Variants in PPFIBP1 observed in about 807,000 individuals in gnomAD.
PPFIBP1 encodes PPFIB scaffold protein 1.
In PPFIBP1, 112 loss-of-function variants were observed where a neutral mutation model predicts 137.8. The observed-to-expected ratio is 0.81, with a 90% CI of 0.70 to 0.95. The LOEUF (loss-of-function observed/expected upper bound fraction) is 0.95, where lower values mean the gene tolerates loss of function less well. Among genes scored for constraint, PPFIBP1 ranks in the 40% least tolerant of loss-of-function variants. PPFIBP1 has a pLI of 0.00. For missense variants in PPFIBP1, 1,083 were observed against 1,196.6 expected (o/e 0.91, Z 1.40); for synonymous variants, 378 against 417.3 (o/e 0.91, Z 1.15).
At chr12:27,679,343 C>T in intron 19 of PPFIBP1, 146 bp from the exon 20 acceptor site, 1 of 743,504 alleles carries the variant, frequency 1.3e-6, no homozygotes, top group South Asian at 2.0e-5. Flanking sequence ...ATGTGTGTTC[C>T]ATTTCTAATA....
At chr12:27,546,038 G>A (rs910250902) in intron 1 of PPFIBP1, among the ~76,000 whole-genome samples, 3 of 152,136 alleles carry the variant, frequency 2.0e-5, no homozygotes, top group East Asian at 1.9e-4. Context: ...GGTGATCTGC[G>A]GCCCTGTCCA....
At chr12:27,634,139 C>CTT (rs375816732) in intron 3 of PPFIBP1, among the ~76,000 whole-genome samples, 3,415 of 111,564 alleles carry the variant, frequency 0.031, 235 homozygotes, top group Admixed American at 0.15. Context: ...CCGGCCATAT[C>CTT]TTTTTTTTTT....
chr12:27,637,527 T>A (rs2346753), intron 4 of PPFIBP1, among the ~76,000 whole-genome samples: 1 of 151,788 alleles, frequency 6.6e-6, no homozygotes, highest in Non-Finnish European at 1.5e-5. Flanking sequence ...AGATAAGGAA[T>A]TTTTGTTGTT....
At chr12:27,530,811 C>A (rs576395014) in intron 1 of PPFIBP1, among the ~76,000 whole-genome samples, 2 of 152,280 alleles carry the variant, frequency 1.3e-5, no homozygotes, top group East Asian at 3.9e-4. Flanking sequence ...GCCTGTTAAG[C>A]CTTTTGCTCT....
chr12:27,573,711 A>G (rs1469498493), intron 1 of PPFIBP1, among the ~76,000 whole-genome samples: 1 of 152,242 alleles, frequency 6.6e-6, no homozygotes, highest in Non-Finnish European at 1.5e-5. Flanking sequence ...CGGCGGGTGC[A>G]GTGGCCCATG....
intron 1 of PPFIBP1, among the ~76,000 whole-genome samples, chr12:27,527,791 T>C (rs958737537): frequency 3.9e-5 from 6 of 152,134 alleles, no homozygotes; most frequent in Admixed American, 2.6e-4. Context: ...AAATCACAGT[T>C]GAGCAGCCAG....
chr12:27,629,567 A>G lies in PPFIBP1; in HGVS notation c.-35-3795A>G, dbSNP rs1271129451. On this transcript the variant is annotated intron_variant, in intron 2 of 29. Coordinates refer to ENST00000228425, the MANE Select transcript of PPFIBP1 (RefSeq NM_003622.4). ...CATGTATTATTTGTTCCATCTCTCT[A>G]CTGTAGAATAATATTCCATTGTATT... 3.3e-5 allele frequency among the ~76,000 whole-genome samples: 5 copies of G among 152,250 alleles called. No individual in the cohort carries two copies. The East Asian group carries it at 9.6e-4, about 29-fold the overall frequency.
At chr12:27,642,589 A>G (rs1186741143) in intron 4 of PPFIBP1, among the ~76,000 whole-genome samples, 3 of 152,196 alleles carry the variant, frequency 2.0e-5, no homozygotes, top group Non-Finnish European at 2.9e-5. Flanking sequence ...ACTAAAGAGC[A>G]CAGTTTAAGA....
intron 9 of PPFIBP1, 68 bp from the exon 10 acceptor site, chr12:27,658,748 T>A: frequency 1.3e-6 from 2 of 1,484,928 alleles, no homozygotes; most frequent in African/African-American, 2.8e-5. Context: ...TAAATAGTAG[T>A]GATTTAAAAA....
At chr12:27,665,855 G>A (rs1300130461) in intron 12 of PPFIBP1, among the ~76,000 whole-genome samples, 1 of 152,156 alleles carries the variant, frequency 6.6e-6, no homozygotes, top group African/African-American at 2.4e-5. Context: ...AAATATCTGA[G>A]TGAGCAAATG....
chr12:27,574,516 T>C, intron 1 of PPFIBP1, among the ~76,000 whole-genome samples: 1 of 152,198 alleles, frequency 6.6e-6, no homozygotes, highest in Non-Finnish European at 1.5e-5. Context: ...AGCTTTTATA[T>C]TCCCAGTACC....
chr12:27,613,717 A>G (rs1419363067), intron 2 of PPFIBP1, among the ~76,000 whole-genome samples: 1 of 147,702 alleles, frequency 6.8e-6, no homozygotes, highest in Non-Finnish European at 1.5e-5. Flanking sequence ...AAAAAAAAAA[A>G]GAAAAAAAAA....
At chr12:27,607,216 G>T (rs1412028278) in intron 2 of PPFIBP1, among the ~76,000 whole-genome samples, 2 of 152,224 alleles carry the variant, frequency 1.3e-5, no homozygotes, top group Admixed American at 6.5e-5. Flanking sequence ...AAGGTGGTAT[G>T]CTGGGAGTGG....
chr12:27,556,185 A>G (rs987308551), intron 1 of PPFIBP1, among the ~76,000 whole-genome samples: 2 of 152,300 alleles, frequency 1.3e-5, no homozygotes, highest in South Asian at 4.1e-4. Flanking sequence ...GACTTCCCAC[A>G]TGATTAACTG....
intron 1 of PPFIBP1, chr12:27,552,559 A>G (rs1946879637): frequency 6.6e-6 from 1 of 152,248 alleles, no homozygotes; most frequent in African/African-American, 2.4e-5. Flanking sequence ...GTTATGTACC[A>G]GAGGTGGAAT....
intron 13 of PPFIBP1, among the ~76,000 whole-genome samples, chr12:27,669,078 T>G (rs1335496111): frequency 6.6e-6 from 1 of 152,324 alleles, no homozygotes. Context: ...CCTTTTTTGG[T>G]CATTTCTCTT....
In PPFIBP1 at chr12:27,611,425, G is replaced by C. The variant is rs1263578881; in HGVS notation, c.-35-21937G>C. On this transcript the variant is annotated intron_variant, in intron 2 of 29. Transcript: ENST00000228425. ...GTGTCCAAATTTCCCCTTTTTATAA[G>C]GATTCCAGTCATACTGGAATTAGGG... Among the ~76,000 whole-genome samples, 3 of 151,896 alleles carry C rather than the reference G, an allele frequency of 2.0e-5. No homozygotes were observed. In the East Asian group the frequency reaches 5.8e-4, roughly 29 times the overall value.
intron 1 of PPFIBP1, among the ~76,000 whole-genome samples, chr12:27,550,447 A>AT (rs1946651555): frequency 6.6e-6 from 1 of 152,196 alleles, no homozygotes; most frequent in Admixed American, 6.5e-5. Context: ...TCATATGTAA[A>AT]TTTTTATTTA....
intron 2 of PPFIBP1, among the ~76,000 whole-genome samples, chr12:27,631,888 A>T (rs1272150901): frequency 1.3e-5 from 2 of 152,166 alleles, no homozygotes; most frequent in African/African-American, 4.8e-5. Context: ...TGAGCCTGGT[A>T]TGTGTCTCTT....
Sources: allele counts gnomAD v4.1 joint callset (sites outside exome capture counted in the v4.1 genomes callset), GRCh38; gene constraint gnomAD v4.1.1; transcripts MANE v1.5; gene names NCBI Gene and HGNC (gene_info 2026-07-23, HGNC 2026-07-21).